Variants in SHISA4 observed in about 807,000 individuals in gnomAD.
SHISA4 encodes protein shisa-4.
SHISA4 carries 16 observed loss-of-function variants against 24.2 expected under a neutral mutation model. The observed-to-expected ratio is 0.66, with a 90% CI of 0.45 to 1.00. The LOEUF is 1.00. Ranked by LOEUF, SHISA4 falls within the 50% of genes least tolerant of loss-of-function variation. The pLI is 0.00. For missense variants in SHISA4, 238 were observed against 258.9 expected (o/e 0.92, Z 0.55); for synonymous variants, 106 against 105.4 (o/e 1.01, Z -0.04).
chr1:201,890,812 A>C (rs1308374696), intron 3 of SHISA4, among the ~76,000 whole-genome samples: 1 of 152,262 alleles, frequency 6.6e-6, no homozygotes, highest in South Asian at 2.1e-4. Flanking sequence ...GTGCATACAC[A>C]TGAAGATTCA....
Position 201,890,540 on chromosome 1 carries a change from G to T in SHISA4, c.332G>T (p.Cys111Phe). 6.2e-7 allele frequency: 1 copy of T among 1,614,216 alleles called. No individual in the cohort carries two copies. Among genetic ancestry groups the T allele is most frequent in the Non-Finnish European group, 8.5e-7 (1 of 1,180,040 alleles). The change falls in exon 3 of 5, where the codon TGT becomes TTT. Residue 111 changes from cysteine to phenylalanine, a missense_variant. Physicochemically the swap from Cys to Phe is radical, Grantham distance 205 (BLOSUM62 -2). Transcript: ENST00000362011. ...ACCATCTGCTGCTTCCTCTGTTCCT[G>T]TTGCTACCTGTACCGCCGGCGCCAG... is the stretch of plus-strand genomic sequence containing the variant. ...ATTICCFLCS[C>F]CYLYRRRQQL...
intron 3 of SHISA4, 57 bp from the exon 4 acceptor site, chr1:201,891,344 G>A: frequency 6.2e-7 from 1 of 1,607,776 alleles, no homozygotes; most frequent in Non-Finnish European, 8.5e-7. Flanking sequence ...TGGGCAGGAG[G>A]AGGAGGCTTC....
At chr1:201,891,611 C>T (rs1681101911) in intron 4 of SHISA4, 43 bp downstream of exon 4, 3 of 1,581,258 alleles carry the variant, frequency 1.9e-6, no homozygotes, top group Non-Finnish European at 2.6e-6. Flanking sequence ...CCTTCCCCCA[C>T]CCCTTGCCCT....
rs1681099868 is a variant in SHISA4 at position 201,891,522 on chromosome 1, C to T, written c.501C>T (p.Pro167=). The T allele has an allele frequency of 6.2e-7, 1 of 1,613,780 alleles. No homozygotes were observed. The highest frequency in any genetic ancestry group is 1.1e-5 in the South Asian group (1 of 91,056). ...GFIYPPSGPA[P]QYPLYPAGPP... Reference sequence around the variant, plus strand: ...TATACCCACCTAGTGGTCCTGCTCCCCAATATCCACTCTACCCAGCTGGGC... The same window carrying T: ...TATACCCACCTAGTGGTCCTGCTCCTCAATATCCACTCTACCCAGCTGGGC... The change falls in exon 4 of 5, where the codon CCC becomes CCT. Residue 167 remains proline, a synonymous_variant. Coordinates refer to ENST00000362011, the MANE Select transcript of SHISA4 (RefSeq NM_198149.3).
rs1347099197 is a variant in SHISA4, at chr1:201,891,579, A to C, written c.547+11A>C. On this transcript the variant is annotated intron_variant, in intron 4 of 4. Coordinates refer to ENST00000362011, the MANE Select transcript of SHISA4 (RefSeq NM_198149.3). ...TCTACAACCCTGCAGGTAAGTAAGC[A>C]ATCTGGAGCCCCTTGCTGCTGCCTT... is the stretch of plus-strand genomic sequence containing the variant. 10 of 1,601,160 alleles carry C rather than the reference A, an allele frequency of 6.2e-6. No individual in the cohort carries two copies. In the Admixed American group the frequency reaches 1.4e-4, roughly 22 times the overall value.
chr1:201,889,714 C>T, intron 2 of SHISA4, 98 bp downstream of exon 2: 5 of 1,398,798 alleles, frequency 3.6e-6, no homozygotes, highest in Non-Finnish European at 4.0e-6. Context: ...CCGTTGTCGA[C>T]CTCCACATTC....
Position 201,888,969 on chromosome 1 carries a change from G to A in SHISA4, c.-26G>A. 2.9e-6 allele frequency: 4 copies of A among 1,373,880 alleles called. No individual in the cohort carries two copies. Among genetic ancestry groups the A allele is most frequent in the Non-Finnish European group, 3.8e-6 (4 of 1,060,846 alleles). The allele number at this position is 1,373,880 out of a possible 1,614,324, so 85.1% of individuals were successfully genotyped here. ...CTGCGGTCCCTTCTCTGGGAGGCCCGACCCCGGCCGCGCCCAGCCCCCACC... is the reference window on the plus strand; with the variant it reads ...CTGCGGTCCCTTCTCTGGGAGGCCCAACCCCGGCCGCGCCCAGCCCCCACC... On this transcript the variant is annotated 5_prime_UTR_variant, in exon 1 of 5. Coordinates refer to ENST00000362011, the MANE Select transcript of SHISA4 (RefSeq NM_198149.3).
Position 201,891,564 on chromosome 1 carries a change from T to G in SHISA4, c.543T>G (p.Pro181=). ...CAGCTGGGCCCCCAGTCTACAACCC[T>G]GCAGGTAAGTAAGCAATCTGGAGCC... ...LYPAGPPVYN[P]AAPPPYMPPQ... The change falls in exon 4 of 5, where the codon CCT becomes CCG. Residue 181 remains proline, a synonymous_variant. Coordinates refer to ENST00000362011, the MANE Select transcript of SHISA4 (RefSeq NM_198149.3). The G allele has an allele frequency of 1.9e-6, 3 of 1,608,532 alleles. No homozygotes were observed. Among genetic ancestry groups the G allele is most frequent in the Non-Finnish European group, 2.5e-6 (3 of 1,176,914 alleles).
At position 201,892,115 on chromosome 1, in the gene SHISA4, G is replaced by A; in HGVS notation, c.*269G>A. ...GGGAGATGACAGCCTGGGTCACAGT[G>A]CCTGTTTTCAAATAGTCCCTCTGCT... is the stretch of plus-strand genomic sequence containing the variant. On this transcript the variant is annotated 3_prime_UTR_variant, in exon 5 of 5. Transcript: ENST00000362011. 4.3e-6 allele frequency: 2 copies of A among 461,840 alleles called. No individual in the cohort carries two copies. Among genetic ancestry groups the A allele is most frequent in the South Asian group, 2.6e-5 (1 of 39,090 alleles). The allele number at this position is 461,840 out of a possible 1,614,324, so 28.6% of individuals were successfully genotyped here.
chr1:201,891,539 C>T lies in SHISA4; in HGVS notation c.518C>T (p.Pro173Leu), dbSNP rs574082345. 3 of 1,613,458 alleles carry T rather than the reference C, an allele frequency of 1.9e-6. 1 individual carries two copies. The highest frequency in any genetic ancestry group is 2.2e-5 in the South Asian group (2 of 91,020). ...SGPAPQYPLYPAGPPVYNPAA... is the reference protein window; with the variant it reads ...SGPAPQYPLYLAGPPVYNPAA... The stretch of plus-strand genomic sequence containing the variant: ...CCTGCTCCCCAATATCCACTCTACC[C>T]AGCTGGGCCCCCAGTCTACAACCCT... The change falls in exon 4 of 5, where the codon CCA becomes CTA. Residue 173 changes from proline to leucine, a missense_variant. Physicochemically the swap from Pro to Leu is moderately conservative, Grantham distance 98. Transcript: ENST00000362011.
intron 3 of SHISA4, 149 bp from the exon 4 acceptor site, chr1:201,891,252 C>T (rs1328718164): frequency 2.3e-6 from 2 of 878,726 alleles, no homozygotes; most frequent in Admixed American, 2.1e-5. Flanking sequence ...CTGCTTAACT[C>T]TGCCAAGCAG....
chr1:201,892,504 G>A lies in SHISA4; in HGVS notation c.*658G>A, dbSNP rs769914934. Among the ~76,000 whole-genome samples the A allele has an allele frequency of 2.6e-5, 4 of 152,062 alleles. No individual in the cohort carries two copies. Among genetic ancestry groups the A allele is most frequent in the Non-Finnish European group, 4.4e-5 (3 of 68,014 alleles). Reference sequence around the variant, plus strand: ...TTCCTAAAGGCTTCCTAAAGACAATGAGGTGAATTTTGCCACAGCTCTGAA... The same window carrying A: ...TTCCTAAAGGCTTCCTAAAGACAATAAGGTGAATTTTGCCACAGCTCTGAA... On this transcript the variant is annotated 3_prime_UTR_variant, in exon 5 of 5. Transcript: ENST00000362011.
In SHISA4 at chr1:201,892,538, C is replaced by T. The variant is rs140212749; in HGVS notation, c.*692C>T. On this transcript the variant is annotated 3_prime_UTR_variant, in exon 5 of 5. Transcript: ENST00000362011. ...TTTGCCACAGCTCTGAAGAGATGCT[C>T]GTTTGCACTACAGATATTCCCTGCT... Among the ~76,000 whole-genome samples, 169 of 152,210 alleles carry T rather than the reference C, an allele frequency of 1.1e-3. 1 individual carries two copies. Among genetic ancestry groups the T allele is most frequent in the Non-Finnish European group, 1.8e-3 (121 of 68,000 alleles).
chr1:201,890,189 A>T (rs979778385), intron 2 of SHISA4, among the ~76,000 whole-genome samples: 4 of 152,178 alleles, frequency 2.6e-5, no homozygotes, highest in African/African-American at 9.7e-5. Flanking sequence ...TGTATGTCTA[A>T]TCATTTAAGT....
Position 201,892,089 on chromosome 1 carries a change from A to T in SHISA4, c.*243A>T, listed in dbSNP as rs1413288484. ...GGGCTATTTTTACTGGGGGCAAGGG[A>T]GGGAGATGACAGCCTGGGTCACAGT... On this transcript the variant is annotated 3_prime_UTR_variant, in exon 5 of 5. Transcript: ENST00000362011. The T allele has an allele frequency of 1.9e-6, 1 of 517,676 alleles. No homozygotes were observed. The highest frequency in any genetic ancestry group is 2.0e-5 in the African/African-American group (1 of 50,730). The allele number at this position is 517,676 out of a possible 1,614,324, so 32.1% of individuals were successfully genotyped here.
At position 201,892,250 on chromosome 1, in the gene SHISA4, C is replaced by T; in HGVS notation, c.*404C>T. 3.9e-6 allele frequency: 1 copy of T among 257,852 alleles called. No homozygotes were observed. The highest frequency in any genetic ancestry group is 5.0e-5 in the Admixed American group (1 of 20,002). 16.0% of individuals were successfully genotyped at this position (257,852 alleles called of 1,614,324 possible). A position where few individuals can be genotyped will look rare whatever the true frequency, so the allele number is the denominator to read the frequency against. On this transcript the variant is annotated 3_prime_UTR_variant, in exon 5 of 5. Coordinates refer to ENST00000362011, the MANE Select transcript of SHISA4 (RefSeq NM_198149.3). ...AGCTGGCAGTAGCCCTCCTCTCTGG[C>T]TGCCCCACTGGCCACATCTCTGGCC...
Position 201,888,989 on chromosome 1 carries a change from C to T in SHISA4, c.-6C>T, listed in dbSNP as rs1354685893. 4 of 1,394,286 alleles carry T rather than the reference C, an allele frequency of 2.9e-6. No homozygotes were observed. The highest frequency in any genetic ancestry group is 9.3e-7 in the Non-Finnish European group (1 of 1,073,060). The allele number at this position is 1,394,286 out of a possible 1,614,324, so 86.4% of individuals were successfully genotyped here. A position where few individuals can be genotyped will look rare whatever the true frequency, so the allele number is the denominator to read the frequency against. On this transcript the variant is annotated 5_prime_UTR_variant, in exon 1 of 5. Transcript: ENST00000362011. ...GGCCCGACCCCGGCCGCGCCCAGCC[C>T]CCACCATGCCACCCGCGGGGCTCCG...
chr1:201,889,149 G>C, intron 1 of SHISA4, 82 bp downstream of exon 1: 1 of 1,299,706 alleles, frequency 7.7e-7, no homozygotes, highest in Non-Finnish European at 1.0e-6. Context: ...CTTGGGCTCG[G>C]GGCTTCTCCG....
chr1:201,888,910 G>C lies in SHISA4; in HGVS notation c.-85G>C, dbSNP rs1176090080. ...GGAGCCCGAGCCTGGCCGCGGGCTG[G>C]GCCCCGCCGCAGCTCCAGCTGGCCG... On this transcript the variant is annotated 5_prime_UTR_variant, in exon 1 of 5. Coordinates refer to ENST00000362011, the MANE Select transcript of SHISA4 (RefSeq NM_198149.3). 3.1e-6 allele frequency: 3 copies of C among 957,688 alleles called. No individual in the cohort carries two copies. In the Admixed American group the frequency reaches 1.3e-4, roughly 41 times the overall value. The allele number at this position is 957,688 out of a possible 1,614,324, so 59.3% of individuals were successfully genotyped here.
Sources: gnomAD v4.1 joint callset for allele counts (sites outside exome capture counted in the v4.1 genomes callset) on GRCh38, gnomAD v4.1.1 for gene constraint, MANE v1.5 for transcripts, NCBI Gene and HGNC (gene_info 2026-07-23, HGNC 2026-07-21) for gene names.